The following PRKN variants were observed in gnomAD, a reference collection of about 807,000 sequenced individuals.
PRKN encodes the protein E3 ubiquitin-protein ligase parkin.
In PRKN, 56 loss-of-function variants were observed where a neutral mutation model predicts 59.5. That is an observed-to-expected ratio of 0.94 (90% CI 0.76 to 1.18). The LOEUF (loss-of-function observed/expected upper bound fraction) is 1.18. Among genes scored for constraint, PRKN ranks in the 50% most tolerant of loss-of-function variants. PRKN has a pLI of 0.00. For synonymous variants in PRKN, 250 were observed against 222.1 expected (o/e 1.13, Z -1.12); for missense variants, 657 against 596.4 (o/e 1.10, Z -1.06).
chr6:162,727,407 C>A (rs1779310727), intron 1 of PRKN: 1 of 478,578 alleles, frequency 2.1e-6, no homozygotes, highest in African/African-American at 2.1e-5. Context: ...CGCCTGGCGT[C>A]CCCGTCGAGG....
intron 1 of PRKN, among the ~76,000 whole-genome samples, chr6:162,523,925 G>C (rs1384512104): frequency 6.6e-6 from 1 of 152,080 alleles, no homozygotes; most frequent in Non-Finnish European, 1.5e-5. Flanking sequence ...GGAAGAGTAA[G>C]GATAGTGTGA....
At chr6:161,742,924 G>C (rs1440900058) in intron 7 of PRKN, among the ~76,000 whole-genome samples, 1 of 152,082 alleles carries the variant, frequency 6.6e-6, no homozygotes, top group Non-Finnish European at 1.5e-5. Context: ...AAGAGTCCAG[G>C]TTTCCAATCC....
chr6:161,789,002 C>T (rs1023819170), intron 6 of PRKN, among the ~76,000 whole-genome samples: 1 of 152,182 alleles, frequency 6.6e-6, no homozygotes, highest in African/African-American at 2.4e-5. Flanking sequence ...CACACACGCA[C>T]ATACACAGAT....
intron 1 of PRKN, among the ~76,000 whole-genome samples, chr6:162,558,397 T>A (rs1370443813): frequency 6.9e-6 from 1 of 145,854 alleles, no homozygotes; most frequent in Non-Finnish European, 1.5e-5. Context: ...TGGCGCCATC[T>A]CGGCTCACTG....
intron 4 of PRKN, among the ~76,000 whole-genome samples, chr6:162,190,913 T>C (rs1221261578): frequency 2.0e-5 from 3 of 152,210 alleles, no homozygotes; most frequent in Admixed American, 2.0e-4. Flanking sequence ...CAAGTCTTGA[T>C]AAAGCTCCTC....
At chr6:162,236,231 C>T (rs1778703367) in intron 3 of PRKN, among the ~76,000 whole-genome samples, 1 of 152,212 alleles carries the variant, frequency 6.6e-6, no homozygotes, top group Admixed American at 6.5e-5. Context: ...CAAGGCCAGA[C>T]TTCCAATTCC....
chr6:161,645,528 C>A (rs773168488), intron 7 of PRKN, among the ~76,000 whole-genome samples: 1 of 152,148 alleles, frequency 6.6e-6, no homozygotes, highest in Non-Finnish European at 1.5e-5. Flanking sequence ...AATGAAAATT[C>A]TTACTAAAAT....
intron 1 of PRKN, among the ~76,000 whole-genome samples, chr6:162,714,354 A>G (rs560262669): frequency 6.6e-6 from 1 of 152,288 alleles, no homozygotes; most frequent in Non-Finnish European, 1.5e-5. Context: ...CCAGGGGCTG[A>G]GGAGATGCAG....
At chr6:162,356,934 A>C (rs1461312457) in intron 2 of PRKN, among the ~76,000 whole-genome samples, 1 of 152,086 alleles carries the variant, frequency 6.6e-6, no homozygotes, top group Non-Finnish European at 1.5e-5. Context: ...CAAAAAATAG[A>C]ATAAATCATT....
At chr6:162,417,800 G>A (rs1191410188) in intron 2 of PRKN, among the ~76,000 whole-genome samples, 3 of 152,182 alleles carry the variant, frequency 2.0e-5, no homozygotes, top group East Asian at 1.9e-4. Flanking sequence ...TAGTGTCCAC[G>A]TGGCAGGTTT....
At chr6:161,999,425 C>T (rs533560151) in intron 5 of PRKN, among the ~76,000 whole-genome samples, 2 of 152,114 alleles carry the variant, frequency 1.3e-5, no homozygotes, top group South Asian at 4.2e-4. Flanking sequence ...CTCCACAATT[C>T]CTGAAAAATA....
chr6:162,374,256 G>A (rs963847972), intron 2 of PRKN, among the ~76,000 whole-genome samples: 1 of 152,130 alleles, frequency 6.6e-6, no homozygotes, highest in African/African-American at 2.4e-5. Flanking sequence ...AATTTTATTG[G>A]GAAGTAGTTG....
At chr6:162,332,759 C>T (rs1020745322) in intron 2 of PRKN, among the ~76,000 whole-genome samples, 4 of 152,082 alleles carry the variant, frequency 2.6e-5, no homozygotes, top group African/African-American at 9.7e-5. Flanking sequence ...AGGGCCCAGA[C>T]AGCACCAACA....
chr6:161,843,403 AC>A (rs1562331692), intron 6 of PRKN, among the ~76,000 whole-genome samples: 1 of 152,222 alleles, frequency 6.6e-6, no homozygotes, highest in Non-Finnish European at 1.5e-5. Context: ...ATTCTCTAGT[AC>A]CTTCCACATT....
At chr6:161,931,178 G>T (rs1779158443) in intron 6 of PRKN, among the ~76,000 whole-genome samples, 1 of 152,216 alleles carries the variant, frequency 6.6e-6, no homozygotes, top group African/African-American at 2.4e-5. Flanking sequence ...GCTCACGCCT[G>T]TAATCCCAGC....
intron 2 of PRKN, among the ~76,000 whole-genome samples, chr6:162,400,159 A>C (rs1787691159): frequency 6.6e-6 from 1 of 151,960 alleles, no homozygotes; most frequent in Admixed American, 6.6e-5. Context: ...GTGACCTGAG[A>C]TTGTGCCACT....
In PRKN at chr6:162,569,131, G is replaced by C. The variant is rs1021795409; in HGVS notation, c.8-125658C>G. The C allele has an allele frequency of 7.9e-6, 5 of 636,234 alleles. No homozygotes were observed. The African/African-American group carries it at 9.0e-5, about 11-fold the overall frequency. 39.4% of individuals were successfully genotyped at this position (636,234 alleles called of 1,614,324 possible). A position where few individuals can be genotyped will look rare whatever the true frequency, so the allele number is the denominator to read the frequency against. ...AGTATGAGGAGATCACCCAACCTCA[G>C]CCGGGCTGAGGCTAAGAGCATGTAC... On this transcript the variant is annotated intron_variant, in intron 1 of 11. Transcript: ENST00000366898.
rs955733628 is a variant in PRKN, at chr6:161,538,447, G to T, written c.1083+10407C>A. On this transcript the variant is annotated intron_variant, in intron 9 of 11. Coordinates refer to ENST00000366898, the MANE Select transcript of PRKN (RefSeq NM_004562.3). The surrounding 1 kb of genome is among the most constrained non-coding windows in gnomAD (Gnocchi z 4.2). Reference sequence around the variant, plus strand: ...GTGGGGACAAAGGCCTGTATGGTAGGCTTGGATAGCTCTGCCAGGTGTACC... The same window carrying T: ...GTGGGGACAAAGGCCTGTATGGTAGTCTTGGATAGCTCTGCCAGGTGTACC... Among the ~76,000 whole-genome samples the T allele has an allele frequency of 6.6e-6, 1 of 152,108 alleles. No individual in the cohort carries two copies. The highest frequency in any genetic ancestry group is 2.4e-5 in the African/African-American group (1 of 41,400).
intron 7 of PRKN, among the ~76,000 whole-genome samples, chr6:161,757,914 CA>C (rs1789015875): frequency 2.2e-5 from 3 of 137,352 alleles, no homozygotes; most frequent in Admixed American, 7.3e-5. Flanking sequence ...CACACACACA[CA>C]CACACATCTC....
Sources: allele counts gnomAD v4.1 joint callset (sites outside exome capture counted in the v4.1 genomes callset), GRCh38; gene constraint gnomAD v4.1.1; non-coding constraint Gnocchi (gnomAD v3.1); transcripts MANE v1.5; gene names NCBI Gene and HGNC (gene_info 2026-07-23, HGNC 2026-07-21).